Variants in MNAT1 observed in about 807,000 individuals in gnomAD.
MNAT1 encodes the protein CDK-activating kinase assembly factor MAT1.
A neutral mutation model predicts 42.0 loss-of-function variants in MNAT1; 43 were observed. The observed-to-expected ratio is 1.02, with a 90% CI of 0.80 to 1.32. The LOEUF (loss-of-function observed/expected upper bound fraction) is 1.32. MNAT1 is among the 40% of genes most tolerant of loss of function. The probability of loss-of-function intolerance (pLI) is 0.00; values close to 1 mark genes in which losing one functional copy is unlikely to be tolerated. For missense variants in MNAT1, 306 were observed against 350.4 expected (o/e 0.87, Z 1.01); for synonymous variants, 118 against 120.0 (o/e 0.98, Z 0.11).
chr14:60,821,701 T>G (rs1024377875), intron 6 of MNAT1, among the ~76,000 whole-genome samples: 4 of 152,222 alleles, frequency 2.6e-5, no homozygotes, highest in African/African-American at 7.2e-5. Context: ...TATTATATAT[T>G]GTAGCTCCTG....
At chr14:60,922,756 T>C (rs956796825) in intron 7 of MNAT1, among the ~76,000 whole-genome samples, 3 of 152,164 alleles carry the variant, frequency 2.0e-5, no homozygotes, top group African/African-American at 7.2e-5. Context: ...CAAGTAAGAT[T>C]TCTCCATTGC....
At chr14:60,876,119 A>G (rs887194711) in intron 6 of MNAT1, among the ~76,000 whole-genome samples, 3 of 152,080 alleles carry the variant, frequency 2.0e-5, no homozygotes, top group Non-Finnish European at 2.9e-5. Context: ...TGAAGAAGAC[A>G]CTTTGAAATA....
In MNAT1 at chr14:60,796,499, T is replaced by G. The variant is rs368853165; in HGVS notation, c.242+130T>G. On this transcript the variant is annotated intron_variant, in intron 2 of 7. Transcript: ENST00000261245. ...ATAACTATAAATTCATTTAAGTTCT[T>G]AGAGAACTGAGTAATATTATTTATC... is the stretch of plus-strand genomic sequence containing the variant. 60 of 783,628 alleles carry G rather than the reference T, an allele frequency of 7.7e-5. No homozygotes were observed. In the South Asian group the frequency reaches 1.2e-3, roughly 16 times the overall value. The allele number at this position is 783,628 out of a possible 1,614,324, so 48.5% of individuals were successfully genotyped here.
intron 6 of MNAT1, among the ~76,000 whole-genome samples, chr14:60,842,446 G>A (rs1387531201): frequency 1.3e-5 from 2 of 152,122 alleles, no homozygotes; most frequent in Admixed American, 6.5e-5. Flanking sequence ...AGGAAGCCAG[G>A]GCAATCAAAG....
intron 1 of MNAT1, among the ~76,000 whole-genome samples, chr14:60,744,944 ACT>A (rs1322280260): frequency 6.6e-6 from 1 of 151,566 alleles, no homozygotes; most frequent in African/African-American, 2.4e-5. Context: ...TCTCTTAACC[ACT>A]CTCTTTTAAG....
chr14:60,790,080 T>G (rs2031770427), intron 1 of MNAT1, among the ~76,000 whole-genome samples: 1 of 152,154 alleles, frequency 6.6e-6, no homozygotes, highest in Non-Finnish European at 1.5e-5. Flanking sequence ...AAAGAGTAAT[T>G]GTGCAATGGG....
chr14:60,819,619 G>A (rs2032819425), intron 6 of MNAT1, among the ~76,000 whole-genome samples: 1 of 152,000 alleles, frequency 6.6e-6, no homozygotes, highest in African/African-American at 2.4e-5. Flanking sequence ...ATGCATACAG[G>A]TATCAAAAGT....
intron 6 of MNAT1, among the ~76,000 whole-genome samples, chr14:60,842,173 T>C (rs560551154): frequency 1.6e-4 from 25 of 152,368 alleles, no homozygotes; most frequent in African/African-American, 5.3e-4. Flanking sequence ...TTTCTGCTTT[T>C]ACATTATAAT....
intron 7 of MNAT1, among the ~76,000 whole-genome samples, chr14:60,901,592 A>G (rs1252448668): frequency 2.0e-5 from 3 of 152,232 alleles, no homozygotes; most frequent in Non-Finnish European, 2.9e-5. Context: ...ATATTTGTGC[A>G]TTAGGAATAT....
intron 1 of MNAT1, among the ~76,000 whole-genome samples, chr14:60,772,035 G>A (rs2031078915): frequency 6.6e-6 from 1 of 152,120 alleles, no homozygotes; most frequent in Non-Finnish European, 1.5e-5. Context: ...TTCCCTTGTT[G>A]AACACTTGTT....
chr14:60,917,668 G>A (rs1046537512), intron 7 of MNAT1, among the ~76,000 whole-genome samples: 15 of 151,040 alleles, frequency 9.9e-5, no homozygotes, highest in Admixed American at 9.9e-4. Flanking sequence ...TTTTGCCCAG[G>A]CTGGAGTGGA....
At chr14:60,891,972 A>G (rs2139488101) in intron 7 of MNAT1, among the ~76,000 whole-genome samples, 1 of 152,064 alleles carries the variant, frequency 6.6e-6, no homozygotes, top group Non-Finnish European at 1.5e-5. Context: ...TTCTTCCATT[A>G]TTGGTTGCTA....
At chr14:60,870,999 T>A (rs553195403) in intron 6 of MNAT1, among the ~76,000 whole-genome samples, 9 of 152,322 alleles carry the variant, frequency 5.9e-5, no homozygotes, top group Non-Finnish European at 1.2e-4. Context: ...TGTAATATAT[T>A]GGTCCTTCAC....
chr14:60,853,072 C>T (rs2033864976), intron 6 of MNAT1, among the ~76,000 whole-genome samples: 1 of 151,956 alleles, frequency 6.6e-6, no homozygotes, highest in Non-Finnish European at 1.5e-5. Context: ...TGTTTTCTAA[C>T]TCTGGGAAGA....
chr14:60,868,825 A>T (rs1180274327), intron 6 of MNAT1, among the ~76,000 whole-genome samples: 1 of 151,962 alleles, frequency 6.6e-6, no homozygotes, highest in African/African-American at 2.4e-5. Context: ...GAAAAGAAAA[A>T]AATAATCAAA....
intron 7 of MNAT1, among the ~76,000 whole-genome samples, chr14:60,910,296 C>T (rs1016151163): frequency 6.6e-6 from 1 of 152,178 alleles, no homozygotes; most frequent in African/African-American, 2.4e-5. Context: ...TTCCTCTTTT[C>T]CTAATTGAAT....
chr14:60,870,100 T>TG (rs1214960750), intron 6 of MNAT1, among the ~76,000 whole-genome samples: 2 of 152,200 alleles, frequency 1.3e-5, no homozygotes, highest in Non-Finnish European at 2.9e-5. Flanking sequence ...TAACTACCCG[T>TG]GTCAGCATTT....
chr14:60,911,189 A>T (rs2035348708), intron 7 of MNAT1, among the ~76,000 whole-genome samples: 1 of 151,796 alleles, frequency 6.6e-6, no homozygotes, highest in Non-Finnish European at 1.5e-5. Context: ...GTCATTTTTT[A>T]TTGCGTCTAT....
chr14:60,857,174 A>G lies in MNAT1; in HGVS notation c.688-22540A>G, dbSNP rs544243840. ...TTCAAAATATTACTGTTCATTGACA[A>G]TGCATCTGATCACTCAAGAGCTCTG... is the stretch of plus-strand genomic sequence containing the variant. On this transcript the variant is annotated intron_variant, in intron 6 of 7. Coordinates refer to ENST00000261245, the MANE Select transcript of MNAT1 (RefSeq NM_002431.4). 2.6e-5 allele frequency among the ~76,000 whole-genome samples: 4 copies of G among 152,364 alleles called. No individual in the cohort carries two copies. The East Asian group carries it at 5.8e-4, about 22-fold the overall frequency.
Sources: allele counts gnomAD v4.1 joint callset (sites outside exome capture counted in the v4.1 genomes callset), GRCh38; gene constraint gnomAD v4.1.1; transcripts MANE v1.5; gene names NCBI Gene and HGNC (gene_info 2026-07-23, HGNC 2026-07-21).